Variants in KCTD16 observed in about 807,000 individuals in gnomAD.
KCTD16 encodes the protein BTB/POZ domain-containing protein KCTD16.
In KCTD16, 13 loss-of-function variants were observed where a neutral mutation model predicts 33.2. The observed-to-expected ratio is 0.39, with a 90% CI of 0.25 to 0.62. The LOEUF is 0.62. Ranked by LOEUF, KCTD16 falls within the 20% of genes least tolerant of loss-of-function variation. The pLI, the probability that KCTD16 is intolerant of heterozygous loss-of-function variation, is 0.50. For missense variants in KCTD16, 441 were observed against 525.1 expected, an observed-to-expected ratio of 0.84 and a Z score of 1.57; for synonymous variants, 197 against 195.3, an observed-to-expected ratio of 1.01 and a Z score of -0.07.
At chr5:144,359,280 G>A (rs907890529) in intron 3 of KCTD16, among the ~76,000 whole-genome samples, 1 of 152,140 alleles carries the variant, frequency 6.6e-6, no homozygotes, top group Non-Finnish European at 1.5e-5. Flanking sequence ...AATGTTTTCT[G>A]TAGAATCATT....
intron 3 of KCTD16, among the ~76,000 whole-genome samples, chr5:144,426,853 T>G (rs1293610349): frequency 1.3e-5 from 2 of 152,116 alleles, no homozygotes; most frequent in Non-Finnish European, 1.5e-5. Flanking sequence ...TTGATAAGGG[T>G]GGATTCCTCA....
rs180913567 is a variant in KCTD16, at chr5:144,345,826, C to T, written c.833-127834C>T. ...ATGGGGAATAGGGTAACCATCCCCT[C>T]AAGCATTTCTCTTGTGAGTTACAAA... On this transcript the variant is annotated intron_variant, in intron 3 of 3. Transcript: ENST00000512467. Among the ~76,000 whole-genome samples the T allele has an allele frequency of 5.6e-4, 86 of 152,242 alleles. 3 individuals are homozygous for T. The highest frequency in any genetic ancestry group is 5.6e-3 in the Admixed American group (86 of 15,282).
chr5:144,474,024 C>A lies in KCTD16; in HGVS notation c.1197C>A (p.Ile399=). The A allele has an allele frequency of 6.2e-7, 1 of 1,613,876 alleles. No homozygotes were observed. The highest frequency in any genetic ancestry group is 1.3e-5 in the African/African-American group (1 of 74,952). ...LSIEEELEKC[I]QDFLKIKIPD... is the part of the protein sequence containing the mutation. ...TTGAGGAGGAGCTGGAGAAATGTAT[C>A]CAGGATTTCCTAAAAATCAAAATTC... The change falls in exon 4 of 4, where the codon ATC becomes ATA. Residue 399 remains isoleucine, a synonymous_variant. Coordinates refer to ENST00000512467, the MANE Select transcript of KCTD16 (RefSeq NM_020768.4).
At chr5:144,186,350 TTTA>T (rs1290875635) in intron 2 of KCTD16, among the ~76,000 whole-genome samples, 7 of 40,898 alleles carry the variant, frequency 1.7e-4, no homozygotes, top group Admixed American at 1.1e-3. Flanking sequence ...TCTCATTTTT[TTTA>T]AAAAAAAAAA....
intron 2 of KCTD16, among the ~76,000 whole-genome samples, chr5:144,191,677 T>A (rs1204792124): frequency 6.6e-6 from 1 of 152,170 alleles, no homozygotes; most frequent in Non-Finnish European, 1.5e-5. Context: ...TTGGGGGTGT[T>A]TACCAGCTTT....
intron 3 of KCTD16, among the ~76,000 whole-genome samples, chr5:144,365,940 T>A (rs541194414): frequency 2.0e-5 from 3 of 152,350 alleles, no homozygotes; most frequent in African/African-American, 7.2e-5. Flanking sequence ...TTATTTATGC[T>A]TGTTTATATA....
At chr5:144,417,130 A>G (rs1753073567) in intron 3 of KCTD16, among the ~76,000 whole-genome samples, 2 of 152,204 alleles carry the variant, frequency 1.3e-5, no homozygotes, top group Admixed American at 1.3e-4. Context: ...ATGAAATTGT[A>G]GTGTCACATG....
At chr5:144,349,395 A>ATG (rs1359303876) in intron 3 of KCTD16, among the ~76,000 whole-genome samples, 1 of 152,228 alleles carries the variant, frequency 6.6e-6, no homozygotes, top group Admixed American at 6.5e-5. Flanking sequence ...GTAGTAATAT[A>ATG]TGTGAAATAC....
chr5:144,335,446 G>A (rs1433902784), intron 3 of KCTD16, among the ~76,000 whole-genome samples: 1 of 152,180 alleles, frequency 6.6e-6, no homozygotes, highest in Non-Finnish European at 1.5e-5. Context: ...TTTGTTCAAT[G>A]ACCATATATT....
Position 144,391,665 on chromosome 5 carries a change from TA to T in KCTD16, c.833-81993del, listed in dbSNP as rs545233710. Among the ~76,000 whole-genome samples, 12 of 152,314 alleles carry T rather than the reference TA, an allele frequency of 7.9e-5. No individual in the cohort carries two copies. The South Asian group carries it at 2.5e-3, about 32-fold the overall frequency. ...CTTCCATTTTCTCCTTATAAAATGG[TA>T]ACTCTATACCCTGACGTACCTACAA... On this transcript the variant is annotated intron_variant, in intron 3 of 3. Transcript: ENST00000512467.
chr5:144,307,938 A>T (rs780965020), intron 3 of KCTD16, among the ~76,000 whole-genome samples: 1 of 152,154 alleles, frequency 6.6e-6, no homozygotes, highest in African/African-American at 2.4e-5. Context: ...AACAAAGGTG[A>T]TGTGTTGGAT....
intron 3 of KCTD16, among the ~76,000 whole-genome samples, chr5:144,228,397 T>A (rs1476637348): frequency 6.6e-6 from 1 of 152,166 alleles, no homozygotes; most frequent in African/African-American, 2.4e-5. Flanking sequence ...GTAATGGCTA[T>A]TGGATATACC....
chr5:144,418,488 G>T (rs1036597841), intron 3 of KCTD16, among the ~76,000 whole-genome samples: 5 of 152,138 alleles, frequency 3.3e-5, no homozygotes, highest in African/African-American at 9.7e-5. Flanking sequence ...GCTGATTGGT[G>T]CATTTACAAT....
chr5:144,227,009 G>T (rs569380430), intron 3 of KCTD16, among the ~76,000 whole-genome samples: 4 of 152,306 alleles, frequency 2.6e-5, no homozygotes, highest in African/African-American at 4.8e-5. Context: ...GCCAAACAGT[G>T]TTCTAGGCAT....
intron 2 of KCTD16, among the ~76,000 whole-genome samples, chr5:144,188,334 G>C (rs1054701227): frequency 3.9e-5 from 6 of 152,160 alleles, no homozygotes; most frequent in African/African-American, 1.4e-4. Flanking sequence ...TCTCATCCTA[G>C]ATCTGTTTTC....
intron 2 of KCTD16, among the ~76,000 whole-genome samples, chr5:144,184,248 T>C (rs1752682898): frequency 6.6e-6 from 1 of 152,172 alleles, no homozygotes; most frequent in Admixed American, 6.5e-5. Context: ...TCCATTAAAC[T>C]TCCCACCCCA....
intron 3 of KCTD16, among the ~76,000 whole-genome samples, chr5:144,237,920 C>G (rs527927092): frequency 6.6e-6 from 1 of 152,114 alleles, no homozygotes; most frequent in Non-Finnish European, 1.5e-5. Context: ...AAAGCCAGAA[C>G]TGCATCTTCG....
rs528370069 is a variant in KCTD16, at chr5:144,433,167, G to C, written c.833-40493G>C. ...CCAGAATAGTAAGTGTAGGAGGTCA[G>C]GAGTAAGAAAAATGTAAATGAATTA... On this transcript the variant is annotated intron_variant, in intron 3 of 3. Transcript: ENST00000512467. 9.9e-5 allele frequency among the ~76,000 whole-genome samples: 15 copies of C among 152,270 alleles called. No individual in the cohort carries two copies. In the South Asian group the frequency reaches 3.1e-3, roughly 32 times the overall value.
intron 3 of KCTD16, among the ~76,000 whole-genome samples, chr5:144,285,917 C>T (rs974465979): frequency 1.3e-5 from 2 of 149,242 alleles, no homozygotes; most frequent in African/African-American, 4.9e-5. Context: ...AACCACAGGC[C>T]TGAGTCTTTG....
Sources: allele counts gnomAD v4.1 joint callset (sites outside exome capture counted in the v4.1 genomes callset), GRCh38; gene constraint gnomAD v4.1.1; transcripts MANE v1.5; gene names NCBI Gene and HGNC (gene_info 2026-07-23, HGNC 2026-07-21).